The following TDRD3 variants were observed in gnomAD, a reference collection of about 807,000 sequenced individuals.
The protein encoded by TDRD3 is tudor domain-containing protein 3.
TDRD3 carries 45 observed loss-of-function variants against 86.7 expected under a neutral mutation model. The observed-to-expected ratio is 0.52, with a 90% CI of 0.41 to 0.67. The LOEUF (loss-of-function observed/expected upper bound fraction) is 0.67. Ranked by LOEUF, TDRD3 falls within the 30% of genes least tolerant of loss-of-function variation. The pLI is 0.00. For synonymous variants in TDRD3, 298 were observed against 301.7 expected (o/e 0.99, Z 0.13); for missense variants, 814 against 889.0 (o/e 0.92, Z 1.07).
intron 6 of TDRD3, chr13:60,484,749 A>G (rs1389947864): frequency 1.3e-5 from 6 of 451,270 alleles, no homozygotes; most frequent in Middle Eastern, 6.5e-4. Flanking sequence ...GGTGTGATCC[A>G]TGTTGATGGT....
chr13:60,506,213 G>A (rs1374132034), intron 8 of TDRD3, among the ~76,000 whole-genome samples: 1 of 152,092 alleles, frequency 6.6e-6, no homozygotes, highest in African/African-American at 2.4e-5. Flanking sequence ...CCAGAAGAGT[G>A]GTGGCCACTA....
At chr13:60,571,714 C>T (rs1290305976) in intron 13 of TDRD3, among the ~76,000 whole-genome samples, 1 of 151,528 alleles carries the variant, frequency 6.6e-6, no homozygotes, top group Non-Finnish European at 1.5e-5. Flanking sequence ...TTTTCAAGGC[C>T]CCCACAGATC....
chr13:60,482,048 C>A (rs990621805), intron 5 of TDRD3, among the ~76,000 whole-genome samples: 1 of 152,198 alleles, frequency 6.6e-6, no homozygotes, highest in African/African-American at 2.4e-5. Context: ...ATGGTCTGAT[C>A]TGGCTGGATT....
chr13:60,397,123 C>T (rs1484019647), upstream of TDRD3: 1 of 378,802 alleles, frequency 2.6e-6, no homozygotes. Context: ...GGATCAGGTC[C>T]CGGAGCTCCG....
At chr13:60,451,418 T>C (rs1955538823) in intron 3 of TDRD3, among the ~76,000 whole-genome samples, 1 of 152,232 alleles carries the variant, frequency 6.6e-6, no homozygotes, top group Admixed American at 6.5e-5. Context: ...GCTTGCCGTG[T>C]GCTGGATCCA....
intron 12 of TDRD3, among the ~76,000 whole-genome samples, chr13:60,539,096 G>A (rs1224296240): frequency 2.0e-5 from 3 of 152,084 alleles, no homozygotes; most frequent in East Asian, 3.9e-4. Context: ...CATCATCTTG[G>A]CCAGTAATTC....
At chr13:60,529,895 C>A (rs1018776423) in intron 11 of TDRD3, among the ~76,000 whole-genome samples, 2 of 151,898 alleles carry the variant, frequency 1.3e-5, no homozygotes, top group African/African-American at 4.8e-5. Context: ...AGATAGAAGA[C>A]CAGCCCAGTG....
chr13:60,428,329 C>A (rs1208932153), intron 1 of TDRD3, among the ~76,000 whole-genome samples: 1 of 151,674 alleles, frequency 6.6e-6, no homozygotes, highest in South Asian at 2.1e-4. Flanking sequence ...GGCATTAGGA[C>A]ATAAGCATAT....
intron 11 of TDRD3, among the ~76,000 whole-genome samples, chr13:60,532,087 AAATT>A (rs1957595465): frequency 6.6e-6 from 1 of 152,206 alleles, no homozygotes; most frequent in African/African-American, 2.4e-5. Flanking sequence ...ATTGTATAAA[AAATT>A]AATACTGTCC....
At chr13:60,406,921 A>C (rs1056292188) in intron 1 of TDRD3, among the ~76,000 whole-genome samples, 1 of 152,252 alleles carries the variant, frequency 6.6e-6, no homozygotes, top group African/African-American at 2.4e-5. Context: ...TGGATATTAC[A>C]TGAAGATGTT....
At chr13:60,565,039 A>ATTT (rs1566310089) in intron 12 of TDRD3, among the ~76,000 whole-genome samples, 6 of 104,270 alleles carry the variant, frequency 5.8e-5, no homozygotes, top group African/African-American at 1.9e-4. Context: ...AACTATCAGT[A>ATTT]TCTTTTTTTT....
chr13:60,535,508 G>A (rs568344911), intron 12 of TDRD3: 3 of 195,478 alleles, frequency 1.5e-5, no homozygotes, highest in Middle Eastern at 2.1e-3. Flanking sequence ...ATTTGTATGC[G>A]TGAAATGGGT....
In TDRD3 at chr13:60,444,754, G is replaced by T; in HGVS notation, c.192+6G>T. The T allele has an allele frequency of 7.0e-7, 1 of 1,434,094 alleles. No homozygotes were observed. Among genetic ancestry groups the T allele is most frequent in the Non-Finnish European group, 9.4e-7 (1 of 1,068,994 alleles). 88.8% of individuals were successfully genotyped at this position (1,434,094 alleles called of 1,614,324 possible). A position where few individuals can be genotyped will look rare whatever the true frequency, so the allele number is the denominator to read the frequency against. ...ATAGTGGAAAGGTAGAAAAGGTAAA[G>T]AAAATCAATAACTTCTTACATTAAT... is the stretch of plus-strand genomic sequence containing the variant. On this transcript the variant is annotated splice_donor_region_variant and intron_variant, in intron 3 of 13. Transcript: ENST00000377881.
At chr13:60,402,791 A>C (rs1218691855) in intron 1 of TDRD3, among the ~76,000 whole-genome samples, 1 of 141,068 alleles carries the variant, frequency 7.1e-6, no homozygotes, top group African/African-American at 2.7e-5. Flanking sequence ...TCCACCTCCC[A>C]GGTTCTCCTG....
At chr13:60,517,879 A>G (rs994928708) in intron 10 of TDRD3, among the ~76,000 whole-genome samples, 2 of 152,218 alleles carry the variant, frequency 1.3e-5, no homozygotes, top group South Asian at 2.1e-4. Context: ...TAGCAATTTG[A>G]CAGTACCTAA....
At chr13:60,397,144 G>A (rs1189710576), upstream of TDRD3, 2 of 391,074 alleles carry the variant, frequency 5.1e-6, no homozygotes, top group Admixed American at 4.5e-5. Flanking sequence ...CAGCCTGGGA[G>A]CCCCACACCA....
chr13:60,495,255 T>C (rs1456604310), intron 8 of TDRD3, among the ~76,000 whole-genome samples: 1 of 152,152 alleles, frequency 6.6e-6, no homozygotes, highest in Admixed American at 6.5e-5. Flanking sequence ...TATTAGGGCA[T>C]TTGTGGGTAT....
In TDRD3 at chr13:60,397,223, G is replaced by A; in HGVS notation, c.-142G>A. 1 of 469,772 alleles carries A rather than the reference G, an allele frequency of 2.1e-6. No individual in the cohort carries two copies. Among genetic ancestry groups the A allele is most frequent in the Non-Finnish European group, 3.6e-6 (1 of 280,016 alleles). 29.1% of individuals were successfully genotyped at this position (469,772 alleles called of 1,614,324 possible). A position where few individuals can be genotyped will look rare whatever the true frequency, so the allele number is the denominator to read the frequency against. On this transcript the variant is annotated 5_prime_UTR_variant, in exon 1 of 14. Coordinates refer to ENST00000377881, the MANE Select transcript of TDRD3 (RefSeq NM_001146070.2). ...CGCACGCGGAAGCGCCGGCCGCACT[G>A]AGCATGCCCAGTTGCAGAGCCGACC...
At chr13:60,480,608 TCTC>T (rs1956288278) in intron 5 of TDRD3, among the ~76,000 whole-genome samples, 1 of 152,222 alleles carries the variant, frequency 6.6e-6, no homozygotes, top group Admixed American at 6.5e-5. Flanking sequence ...TCTCTCTTCT[TCTC>T]TTTCTGGAAT....
Sources: allele counts gnomAD v4.1 joint callset (sites outside exome capture counted in the v4.1 genomes callset), GRCh38; gene constraint gnomAD v4.1.1; transcripts MANE v1.5; gene names NCBI Gene and HGNC (gene_info 2026-07-23, HGNC 2026-07-21).